Variants in AUTS2 observed in about 807,000 individuals in gnomAD.
The protein encoded by AUTS2 is activator of transcription and developmental regulator AUTS2, also known as autism susceptibility gene 2 protein.
AUTS2 carries 17 observed loss-of-function variants against 112.4 expected under a neutral mutation model. The observed-to-expected ratio is 0.15, with a 90% CI of 0.10 to 0.23. The LOEUF is 0.23. Ranked by LOEUF, AUTS2 falls within the 10% of genes least tolerant of loss-of-function variation. AUTS2 has a pLI of 1.00. For missense variants in AUTS2, 1,510 were observed against 1,701.6 expected, an observed-to-expected ratio of 0.89 and a Z score of 1.98; for synonymous variants, 751 against 702.7, an observed-to-expected ratio of 1.07 and a Z score of -1.09.
intron 5 of AUTS2, among the ~76,000 whole-genome samples, chr7:70,524,438 T>C (rs1291889452): frequency 6.6e-6 from 1 of 152,236 alleles, no homozygotes; most frequent in African/African-American, 2.4e-5. Context: ...TCATCCACAT[T>C]GATAAATATT....
At chr7:70,131,200 C>T (rs979069250) in intron 3 of AUTS2, among the ~76,000 whole-genome samples, 2 of 151,966 alleles carry the variant, frequency 1.3e-5, no homozygotes, top group African/African-American at 4.8e-5. Flanking sequence ...GCCTGTAATC[C>T]CAACACTTGG....
At chr7:70,169,766 A>G (rs1418950676) in intron 4 of AUTS2, among the ~76,000 whole-genome samples, 2 of 152,188 alleles carry the variant, frequency 1.3e-5, no homozygotes, top group African/African-American at 4.8e-5. Context: ...CCAATTCAAC[A>G]TATAAAATTG....
rs143980072 is a variant in AUTS2, at chr7:69,880,658, C to T, written c.310-18628C>T. On this transcript the variant is annotated intron_variant, in intron 1 of 18. Coordinates refer to ENST00000342771, the MANE Select transcript of AUTS2 (RefSeq NM_015570.4). ...TTAGACATTTTGAGCCTTTTCGAAGCGGGAAATCAGGTAAGATATTTTCAG... is the reference window on the plus strand; with the variant it reads ...TTAGACATTTTGAGCCTTTTCGAAGTGGGAAATCAGGTAAGATATTTTCAG... 4.7e-4 allele frequency among the ~76,000 whole-genome samples: 71 copies of T among 152,256 alleles called. 1 individual carries two copies. The South Asian group carries it at 8.3e-3, about 18-fold the overall frequency.
intron 4 of AUTS2, chr7:70,290,262 T>A: frequency 8.5e-7 from 1 of 1,182,002 alleles, no homozygotes; most frequent in Non-Finnish European, 1.1e-6. Context: ...CCCAATTTTA[T>A]AAAACAAATT....
chr7:70,387,873 C>A (rs144944666), intron 4 of AUTS2, among the ~76,000 whole-genome samples: 1 of 152,304 alleles, frequency 6.6e-6, no homozygotes, highest in Admixed American at 6.5e-5. Context: ...ACGTTACGGC[C>A]AGATAGCAGT....
rs562846644 is a variant in AUTS2 at position 70,550,285 on chromosome 7, A to T, written c.690+114504A>T. Among the ~76,000 whole-genome samples the T allele has an allele frequency of 1.6e-4, 25 of 152,316 alleles. No individual in the cohort carries two copies. The South Asian group carries it at 5.0e-3, about 30-fold the overall frequency. Reference sequence around the variant, plus strand: ...TGTGGCTGATGAATCAGATTCAAGTACAATGCTTTATAATTATCCCTATGA... The same window carrying T: ...TGTGGCTGATGAATCAGATTCAAGTTCAATGCTTTATAATTATCCCTATGA... On this transcript the variant is annotated intron_variant, in intron 5 of 18. Transcript: ENST00000342771.
chr7:70,065,336 A>G (rs1390125619), intron 2 of AUTS2, among the ~76,000 whole-genome samples: 1 of 152,198 alleles, frequency 6.6e-6, no homozygotes, highest in South Asian at 2.1e-4. Flanking sequence ...GAATTCAAGG[A>G]AAAAAACCAC....
chr7:69,950,973 TTCTC>T (rs1441864451), intron 2 of AUTS2, among the ~76,000 whole-genome samples: 1 of 151,670 alleles, frequency 6.6e-6, no homozygotes, highest in Non-Finnish European at 1.5e-5. Flanking sequence ...GTCTCTCTCT[TTCTC>T]TCTTTTTTTT....
intron 6 of AUTS2, among the ~76,000 whole-genome samples, chr7:70,724,442 A>ATTTTTTTTT (rs1563153741): frequency 2.1e-5 from 2 of 95,942 alleles, no homozygotes; most frequent in Admixed American, 2.5e-4. Flanking sequence ...TTTCATCCTG[A>ATTTTTTTTT]CTTTTTTTTT....
intron 5 of AUTS2, among the ~76,000 whole-genome samples, chr7:70,663,555 C>A (rs78765535): frequency 6.6e-6 from 1 of 151,890 alleles, no homozygotes; most frequent in East Asian, 1.9e-4. Context: ...CTTAGGGACC[C>A]CGTTCTTTTC....
chr7:70,062,704 A>G lies in AUTS2; in HGVS notation c.523-55428A>G, dbSNP rs531207538. Among the ~76,000 whole-genome samples, 5 of 152,312 alleles carry G rather than the reference A, an allele frequency of 3.3e-5. No homozygotes were observed. In the South Asian group the frequency reaches 1.0e-3, roughly 32 times the overall value. Reference sequence around the variant, plus strand: ...TTCTAAGCTCTTGGTTGGAATCTGTAAAATAGCTAGTTGTTAACATTTAAT... The same window carrying G: ...TTCTAAGCTCTTGGTTGGAATCTGTGAAATAGCTAGTTGTTAACATTTAAT... On this transcript the variant is annotated intron_variant, in intron 2 of 18. Transcript: ENST00000342771.
At chr7:70,500,742 G>A (rs1457272223) in intron 5 of AUTS2, among the ~76,000 whole-genome samples, 1 of 150,254 alleles carries the variant, frequency 6.7e-6, no homozygotes, top group Non-Finnish European at 1.5e-5. Flanking sequence ...TTTTTTTTGA[G>A]ATGGAGTCCC....
intron 6 of AUTS2, among the ~76,000 whole-genome samples, chr7:70,748,452 C>T (rs1264456834): frequency 6.6e-6 from 1 of 152,128 alleles, no homozygotes; most frequent in Non-Finnish European, 1.5e-5. Flanking sequence ...AGCTTTGCAG[C>T]CATCATGGCT....
chr7:70,586,532 G>A (rs1483987341), intron 5 of AUTS2, among the ~76,000 whole-genome samples: 1 of 152,170 alleles, frequency 6.6e-6, no homozygotes, highest in East Asian at 1.9e-4. Flanking sequence ...AATTGCTCCA[G>A]GAAATGATGC....
At position 70,679,793 on chromosome 7, in the gene AUTS2, G is replaced by A. The variant is rs74316506; in HGVS notation, c.691-18776G>A. ...AAAGCCCAACTTAGAATTTAGCAGT[G>A]TTCTGATCTGTGTGGGTTTGGGGGA... On this transcript the variant is annotated intron_variant, in intron 5 of 18. Transcript: ENST00000342771. Among the ~76,000 whole-genome samples the A allele has an allele frequency of 5.1e-3, 784 of 152,340 alleles. 28 individuals are homozygous for A. In the East Asian group the frequency reaches 0.065, roughly 13 times the overall value.
chr7:70,582,304 T>C (rs985318392), intron 5 of AUTS2, among the ~76,000 whole-genome samples: 1 of 152,132 alleles, frequency 6.6e-6, no homozygotes, highest in African/African-American at 2.4e-5. Flanking sequence ...CTCTCCCTTC[T>C]CCCCAGCCCC....
At chr7:70,732,612 T>C (rs976892658) in intron 6 of AUTS2, among the ~76,000 whole-genome samples, 2 of 152,172 alleles carry the variant, frequency 1.3e-5, no homozygotes, top group Non-Finnish European at 1.5e-5. Flanking sequence ...ACTCTTCCTG[T>C]TCCCGCCTGG....
At chr7:69,821,270 G>A (rs866537437) in intron 1 of AUTS2, among the ~76,000 whole-genome samples, 1 of 152,176 alleles carries the variant, frequency 6.6e-6, no homozygotes, top group Non-Finnish European at 1.5e-5. Context: ...AGTCCTGAGA[G>A]GTGAAGCCAG....
chr7:70,324,559 A>G (rs1790400575), intron 4 of AUTS2, among the ~76,000 whole-genome samples: 1 of 152,058 alleles, frequency 6.6e-6, no homozygotes, highest in South Asian at 2.1e-4. Context: ...TAGCGGTTCA[A>G]GGCTACAGTA....
Sources: gnomAD v4.1 joint callset for allele counts (sites outside exome capture counted in the v4.1 genomes callset) on GRCh38, gnomAD v4.1.1 for gene constraint, MANE v1.5 for transcripts, NCBI Gene and HGNC (gene_info 2026-07-23, HGNC 2026-07-21) for gene names.